The following PLEKHA2 variants were observed in gnomAD, a reference collection of about 807,000 sequenced individuals.
PLEKHA2 encodes the protein pleckstrin homology domain containing A2.
Under a neutral mutation model 53.2 loss-of-function variants are expected in PLEKHA2, and 28 were observed. That is an observed-to-expected ratio of 0.53 (90% CI 0.39 to 0.72). PLEKHA2 has a LOEUF of 0.72. Ranked by LOEUF, PLEKHA2 falls within the 30% of genes least tolerant of loss-of-function variation. PLEKHA2 has a pLI of 0.00. For synonymous variants in PLEKHA2, 193 were observed against 196.4 expected (o/e 0.98, Z 0.14); for missense variants, 426 against 537.9 (o/e 0.79, Z 2.06).
At chr8:38,917,692 T>C (rs979941434) in intron 1 of PLEKHA2, among the ~76,000 whole-genome samples, 1 of 152,186 alleles carries the variant, frequency 6.6e-6, no homozygotes, top group Non-Finnish European at 1.5e-5. Flanking sequence ...CCTGGGCACA[T>C]AGAGCCTTGG....
At chr8:38,941,133 T>G (rs1834604507) in intron 3 of PLEKHA2, among the ~76,000 whole-genome samples, 1 of 151,684 alleles carries the variant, frequency 6.6e-6, no homozygotes, top group South Asian at 2.1e-4. Context: ...CTCAGCTCAC[T>G]GCAACCTCCA....
At chr8:38,959,727 G>A (rs1393981874) in intron 10 of PLEKHA2, among the ~76,000 whole-genome samples, 1 of 152,238 alleles carries the variant, frequency 6.6e-6, no homozygotes, top group East Asian at 1.9e-4. Flanking sequence ...AAATTTGAGA[G>A]ATATTAAAAA....
chr8:38,969,093 G>A (rs1009359087), intron 11 of PLEKHA2: 1 of 326,102 alleles, frequency 3.1e-6, no homozygotes, highest in African/African-American at 2.2e-5. Context: ...TAGAAATGGG[G>A]TTTCACCATG....
chr8:38,958,381 TA>T (rs1235500129), intron 10 of PLEKHA2, among the ~76,000 whole-genome samples: 2 of 152,080 alleles, frequency 1.3e-5, no homozygotes, highest in Admixed American at 1.3e-4. Flanking sequence ...CAGGTTGGTT[TA>T]AAGGTGTGGT....
chr8:38,943,737 TC>T, intron 3 of PLEKHA2, 51 bp from the exon 4 acceptor site: 1 of 1,389,006 alleles, frequency 7.2e-7, no homozygotes, highest in Non-Finnish European at 9.8e-7. Context: ...TAAGAAATCT[TC>T]AACATTGTAA....
intron 8 of PLEKHA2, 30 bp from the exon 9 acceptor site, chr8:38,953,267 A>G: frequency 1.3e-6 from 2 of 1,563,880 alleles, no homozygotes; most frequent in Non-Finnish European, 1.8e-6. Flanking sequence ...AGACAGCCTC[A>G]CTTACCTGTC....
chr8:38,931,139 G>T (rs1283757451), intron 2 of PLEKHA2, among the ~76,000 whole-genome samples: 1 of 152,116 alleles, frequency 6.6e-6, no homozygotes, highest in Non-Finnish European at 1.5e-5. Context: ...TTAGCCGGGT[G>T]TGGTGGTGCA....
At chr8:38,932,276 G>A (rs1486796101) in intron 2 of PLEKHA2, among the ~76,000 whole-genome samples, 1 of 152,246 alleles carries the variant, frequency 6.6e-6, no homozygotes, top group Non-Finnish European at 1.5e-5. Flanking sequence ...GATTACAGGT[G>A]TGCGCCACTG....
At position 38,957,176 on chromosome 8, in the gene PLEKHA2, A is replaced by G. The variant is rs533824647; in HGVS notation, c.774-147A>G. 707 of 583,408 alleles carry G rather than the reference A, an allele frequency of 1.2e-3. 7 individuals are homozygous for G. The highest frequency in any genetic ancestry group is 6.9e-3 in the South Asian group (286 of 41,322). 36.1% of individuals were successfully genotyped at this position (583,408 alleles called of 1,614,324 possible). The stretch of plus-strand genomic sequence containing the variant: ...AGAGGAAACCCCTGGAGTGTTTTTC[A>G]AGGCAGGAGCTGAAGGAAGAATGGC... On this transcript the variant is annotated intron_variant, in intron 9 of 11. Coordinates refer to ENST00000617275, the MANE Select transcript of PLEKHA2 (RefSeq NM_021623.2).
chr8:38,922,439 G>A lies in PLEKHA2; in HGVS notation c.141+4369G>A, dbSNP rs1834210716. Among the ~76,000 whole-genome samples, 1 of 152,178 alleles carries A rather than the reference G, an allele frequency of 6.6e-6. No homozygotes were observed. Among genetic ancestry groups the A allele is most frequent in the South Asian group, 2.1e-4 (1 of 4,834 alleles). On this transcript the variant is annotated intron_variant, in intron 2 of 11. Transcript: ENST00000617275. The surrounding 1 kb of genome is among the most constrained non-coding windows in gnomAD (Gnocchi z 4.0). ...GTGGAGTGCCCAACATTGCTTTCCT[G>A]GGACTGGGGACAGGGCCAAAATGGA...
intron 1 of PLEKHA2, among the ~76,000 whole-genome samples, chr8:38,914,928 T>G (rs1453734090): frequency 2.0e-5 from 3 of 147,674 alleles, no homozygotes; most frequent in African/African-American, 5.0e-5. Flanking sequence ...TCTTCCTTCT[T>G]CTCCTTTTTC....
At chr8:38,924,081 A>G (rs1199197921) in intron 2 of PLEKHA2, among the ~76,000 whole-genome samples, 2 of 152,056 alleles carry the variant, frequency 1.3e-5, no homozygotes, top group Admixed American at 1.3e-4. Flanking sequence ...CGAACTCCTG[A>G]CCTCAGGTGA....
chr8:38,945,015 C>A (rs1457303598), intron 4 of PLEKHA2, among the ~76,000 whole-genome samples: 1 of 152,058 alleles, frequency 6.6e-6, no homozygotes, highest in African/African-American at 2.4e-5. Context: ...AAGGAGAATT[C>A]TGTTAAGGGT....
chr8:38,939,224 G>A (rs1481538196), intron 3 of PLEKHA2, among the ~76,000 whole-genome samples: 2 of 152,130 alleles, frequency 1.3e-5, no homozygotes, highest in Non-Finnish European at 2.9e-5. Flanking sequence ...CTTTCTTTCC[G>A]TGGGACTCAG....
chr8:38,927,315 G>A (rs1834306068), intron 2 of PLEKHA2, among the ~76,000 whole-genome samples: 1 of 152,008 alleles, frequency 6.6e-6, no homozygotes, highest in Non-Finnish European at 1.5e-5. Context: ...GGGCAACATA[G>A]GAAGACCCCA....
rs1228473886 is a variant in PLEKHA2 at position 38,922,804 on chromosome 8, T to C, written c.141+4734T>C. Among the ~76,000 whole-genome samples, 3 of 152,216 alleles carry C rather than the reference T, an allele frequency of 2.0e-5. No homozygotes were observed. The East Asian group carries it at 5.8e-4, about 29-fold the overall frequency. ...AAATGCTTTTACATGTGTTACCCCA[T>C]GGAACCTCTCCATAATCCTGGGGCC... On this transcript the variant is annotated intron_variant, in intron 2 of 11. Coordinates refer to ENST00000617275, the MANE Select transcript of PLEKHA2 (RefSeq NM_021623.2). The surrounding 1 kb of genome is among the most constrained non-coding windows in gnomAD (Gnocchi z 4.0).
At chr8:38,940,657 G>T (rs990445012) in intron 3 of PLEKHA2, among the ~76,000 whole-genome samples, 63 of 104,480 alleles carry the variant, frequency 6.0e-4, no homozygotes, top group Admixed American at 2.1e-3. Flanking sequence ...GGGCGGGGGG[G>T]GGGGGTCAGA....
chr8:38,913,146 C>T (rs1213351515), intron 1 of PLEKHA2, among the ~76,000 whole-genome samples: 2 of 152,130 alleles, frequency 1.3e-5, no homozygotes, highest in Non-Finnish European at 2.9e-5. Flanking sequence ...GGTGGATCAC[C>T]TGAGGTCAGG....
At chr8:38,930,449 C>G (rs1396365938) in intron 2 of PLEKHA2, among the ~76,000 whole-genome samples, 1 of 152,142 alleles carries the variant, frequency 6.6e-6, no homozygotes, top group Non-Finnish European at 1.5e-5. Context: ...GGTGATCCCC[C>G]TGCCTCAGCC....
Sources: gnomAD v4.1 joint callset for allele counts (sites outside exome capture counted in the v4.1 genomes callset) on GRCh38, gnomAD v4.1.1 for gene constraint, Gnocchi (gnomAD v3.1) non-coding constraint, MANE v1.5 for transcripts, NCBI Gene and HGNC (gene_info 2026-07-23, HGNC 2026-07-21) for gene names.